The following TNFAIP8 variants were observed in gnomAD, a reference collection of about 807,000 sequenced individuals.
TNFAIP8 encodes the protein TNF alpha induced protein 8.
Under a neutral mutation model 13.3 loss-of-function variants are expected in TNFAIP8, and 7 were observed. The observed-to-expected ratio is 0.52, with a 90% CI of 0.30 to 0.99. The LOEUF (loss-of-function observed/expected upper bound fraction) is 0.99. Ranked by LOEUF, TNFAIP8 falls within the 50% of genes least tolerant of loss-of-function variation. The probability of loss-of-function intolerance (pLI) is 0.07; values close to 1 mark genes in which losing one functional copy is unlikely to be tolerated. For missense variants in TNFAIP8, 258 were observed against 236.9 expected (o/e 1.09, Z -0.58); for synonymous variants, 94 against 87.6 (o/e 1.07, Z -0.41).
At chr5:119,302,763 A>G (rs1410340773) in intron 1 of TNFAIP8, among the ~76,000 whole-genome samples, 3 of 152,208 alleles carry the variant, frequency 2.0e-5, no homozygotes, top group African/African-American at 7.2e-5. Flanking sequence ...CAAAACAAGC[A>G]AAAACACCAA....
At chr5:119,308,636 G>A (rs543442543) in intron 1 of TNFAIP8, among the ~76,000 whole-genome samples, 2 of 151,828 alleles carry the variant, frequency 1.3e-5, no homozygotes, top group South Asian at 2.1e-4. Flanking sequence ...AGGCCGAGGC[G>A]GGTAGATCAC....
chr5:119,386,113 A>C (rs532033596), intron 1 of TNFAIP8, among the ~76,000 whole-genome samples: 1 of 152,326 alleles, frequency 6.6e-6, no homozygotes, highest in East Asian at 1.9e-4. Flanking sequence ...TAGTGCATTA[A>C]AGGTTCATAC....
chr5:119,352,509 A>G (rs1175206564), upstream of TNFAIP8, among the ~76,000 whole-genome samples: 1 of 152,158 alleles, frequency 6.6e-6, no homozygotes, highest in Non-Finnish European at 1.5e-5. Flanking sequence ...GGTGCTTCAT[A>G]TTTTTCACTG....
In TNFAIP8 at chr5:119,270,509, G is replaced by C. The variant is rs183114815; in HGVS notation, c.1+1602G>C. Among the ~76,000 whole-genome samples, 90 of 152,308 alleles carry C rather than the reference G, an allele frequency of 5.9e-4. 1 individual carries two copies. The highest frequency in any genetic ancestry group is 8.4e-4 in the Non-Finnish European group (57 of 68,026). On this transcript the variant is annotated intron_variant, in intron 1 of 1. Coordinates refer to the TNFAIP8 transcript ENST00000274456. Reference sequence around the variant, plus strand: ...ACTCCTGGGCTCAAGTGATCCTCCTGCCTCAGCCTCCTGAGTAACTGGGAC... The same window carrying C: ...ACTCCTGGGCTCAAGTGATCCTCCTCCCTCAGCCTCCTGAGTAACTGGGAC...
chr5:119,335,396 A>T (rs11954854), intron 1 of TNFAIP8, among the ~76,000 whole-genome samples: 1 of 151,980 alleles, frequency 6.6e-6, no homozygotes, highest in African/African-American at 2.4e-5. Flanking sequence ...GCTGGGTGTA[A>T]ATGTCCATCA....
chr5:119,383,943 C>A (rs930262233), intron 1 of TNFAIP8, among the ~76,000 whole-genome samples: 7 of 152,124 alleles, frequency 4.6e-5, no homozygotes, highest in Non-Finnish European at 1.0e-4. Context: ...CCTTTCTTTT[C>A]TTTCATCTTA....
chr5:119,269,903 TTTC>T (rs1325323758), intron 1 of TNFAIP8, among the ~76,000 whole-genome samples: 4 of 152,208 alleles, frequency 2.6e-5, no homozygotes, highest in Non-Finnish European at 5.9e-5. Flanking sequence ...GTACAAATAG[TTTC>T]TTCATCTATA....
At position 119,394,612 on chromosome 5, in the gene TNFAIP8, T is replaced by C. The variant is rs963532730; in HGVS notation, c.*1231T>C. On this transcript the variant is annotated 3_prime_UTR_variant, in exon 2 of 2. Coordinates refer to ENST00000504771, the MANE Select transcript of TNFAIP8 (RefSeq NM_014350.4). ...ATTTCCATTGTCACTGTGTCTATGA[T>C]TTTTTTTTTTTTTTTTTTGAGTCTC... 3 of 67,198 alleles carry C rather than the reference T, an allele frequency of 4.5e-5. No homozygotes were observed. Among genetic ancestry groups the C allele is most frequent in the East Asian group, 1.1e-3 (1 of 872 alleles). 4.2% of individuals were successfully genotyped at this position (67,198 alleles called of 1,614,324 possible). A position where few individuals can be genotyped will look rare whatever the true frequency, so the allele number is the denominator to read the frequency against.
intron 1 of TNFAIP8, among the ~76,000 whole-genome samples, chr5:119,327,832 A>C (rs1376691141): frequency 6.6e-6 from 1 of 152,204 alleles, no homozygotes; most frequent in Non-Finnish European, 1.5e-5. Context: ...GAAGTGACTG[A>C]GGCACAGAGA....
At chr5:119,297,671 C>G (rs1749220338) in intron 1 of TNFAIP8, among the ~76,000 whole-genome samples, 1 of 152,068 alleles carries the variant, frequency 6.6e-6, no homozygotes, top group Admixed American at 6.5e-5. Flanking sequence ...TGTTAACTTT[C>G]TGTCTTGTTG....
At chr5:119,268,781 G>A in exon 1 of TNFAIP8, 1 of 677,276 alleles carries the variant, frequency 1.5e-6, no homozygotes, top group Non-Finnish European at 2.7e-6. Flanking sequence ...TTCTCCCGCC[G>A]GCTCTAACCC....
upstream of TNFAIP8, chr5:119,355,924 A>C: frequency 2.2e-6 from 3 of 1,368,384 alleles, no homozygotes; most frequent in Non-Finnish European, 1.9e-6. Context: ...TTTCCCCCTG[A>C]AAATCCCTGC....
intron 1 of TNFAIP8, among the ~76,000 whole-genome samples, chr5:119,331,627 TC>T (rs1750383073): frequency 6.6e-6 from 1 of 152,180 alleles, no homozygotes; most frequent in Admixed American, 6.5e-5. Context: ...TGCTGGTGCC[TC>T]CCCGACTGGG....
At chr5:119,337,550 G>A (rs778003675) in intron 1 of TNFAIP8, among the ~76,000 whole-genome samples, 8 of 151,934 alleles carry the variant, frequency 5.3e-5, no homozygotes, top group Non-Finnish European at 1.0e-4. Flanking sequence ...AGGTAATTTC[G>A]TTATCAAAAC....
chr5:119,387,484 T>C (rs1752725759), intron 1 of TNFAIP8, among the ~76,000 whole-genome samples: 1 of 152,198 alleles, frequency 6.6e-6, no homozygotes, highest in Non-Finnish European at 1.5e-5. Context: ...GGGAAAAAAT[T>C]ATGTATTTAC....
chr5:119,338,211 C>CACACACACACACACA (rs70982473), intron 1 of TNFAIP8, among the ~76,000 whole-genome samples: 2 of 146,488 alleles, frequency 1.4e-5, no homozygotes, highest in South Asian at 2.1e-4. Context: ...CACACACACA[C>CACACACACACACACA]CTTCTCAGCA....
Position 119,393,264 on chromosome 5 carries a change from T to A in TNFAIP8, c.480T>A (p.Asp160Glu). ...KSHGRVNNVF[D>E]HFSDCEFLAA... ...ATGGACGGGTTAATAATGTGTTTGA[T>A]CATTTTTCAGATTGTGAATTTTTGG... Residue 160 changes from aspartate to glutamate, a missense_variant, in exon 2 of 2, where the codon GAT (aspartate) becomes GAA (glutamate). Physicochemically the swap from Asp to Glu is conservative, Grantham distance 45 (BLOSUM62 2). Coordinates refer to ENST00000504771, the MANE Select transcript of TNFAIP8 (RefSeq NM_014350.4). The A allele has an allele frequency of 1.2e-6, 2 of 1,614,028 alleles. No homozygotes were observed. Among genetic ancestry groups the A allele is most frequent in the Non-Finnish European group, 1.7e-6 (2 of 1,179,890 alleles).
chr5:119,395,192 T>C lies in TNFAIP8; in HGVS notation c.*1811T>C, dbSNP rs1033021926. The C allele has an allele frequency of 6.6e-6, 1 of 152,218 alleles. No homozygotes were observed. The highest frequency in any genetic ancestry group is 1.5e-5 in the Non-Finnish European group (1 of 68,048). 9.4% of individuals were successfully genotyped at this position (152,218 alleles called of 1,614,324 possible). A position where few individuals can be genotyped will look rare whatever the true frequency, so the allele number is the denominator to read the frequency against. On this transcript the variant is annotated 3_prime_UTR_variant, in exon 2 of 2. Coordinates refer to ENST00000504771, the MANE Select transcript of TNFAIP8 (RefSeq NM_014350.4). ...CTAGAGCCAGTAGGTGATCAGTATA[T>C]GCTGTAACAATAACACAGTGACTAC...
At chr5:119,330,788 C>T (rs1750353315) in intron 1 of TNFAIP8, among the ~76,000 whole-genome samples, 1 of 152,036 alleles carries the variant, frequency 6.6e-6, no homozygotes, top group Admixed American at 6.5e-5. Context: ...AGAAGAAGTA[C>T]CAGATAAGGT....
Sources: allele counts gnomAD v4.1 joint callset (sites outside exome capture counted in the v4.1 genomes callset), GRCh38; gene constraint gnomAD v4.1.1; transcripts MANE v1.5; gene names NCBI Gene and HGNC (gene_info 2026-07-23, HGNC 2026-07-21).